The following ITPR1 variants were observed in gnomAD, a reference collection of about 807,000 sequenced individuals.
ITPR1 encodes inositol 1,4,5-trisphosphate-gated calcium channel ITPR1.
A neutral mutation model predicts 318.4 loss-of-function variants in ITPR1; 96 were observed. The observed-to-expected ratio is 0.30, with a 90% CI of 0.26 to 0.36. The LOEUF (loss-of-function observed/expected upper bound fraction) is 0.36. Among genes scored for constraint, ITPR1 ranks in the 10% least tolerant of loss-of-function variants. The pLI is 1.00. For missense variants in ITPR1, 2,440 were observed against 3,460.2 expected (o/e 0.71, Z 7.40); for synonymous variants, 1,312 against 1,289.9 (o/e 1.02, Z -0.37).
At chr3:4,838,125 C>A (rs2051065545) in intron 61 of ITPR1, among the ~76,000 whole-genome samples, 1 of 152,032 alleles carries the variant, frequency 6.6e-6, no homozygotes, top group Admixed American at 6.6e-5. Flanking sequence ...CTAAATTATT[C>A]CAAACTGTGC....
intron 47 of ITPR1, 53 bp from the exon 48 acceptor site, chr3:4,777,211 C>T (rs879144803): frequency 4.6e-5 from 49 of 1,060,508 alleles, no homozygotes; most frequent in Non-Finnish European, 6.0e-5. Context: ...TGGCCTTTGA[C>T]GTCTGATTTA....
intron 18 of ITPR1, among the ~76,000 whole-genome samples, chr3:4,669,220 T>C (rs1009022935): frequency 1.3e-5 from 2 of 152,184 alleles, no homozygotes; most frequent in African/African-American, 4.8e-5. Context: ...CGAGCATCAA[T>C]TAAAGCACAG....
chr3:4,512,957 G>A (rs1482180346), intron 2 of ITPR1, among the ~76,000 whole-genome samples: 2 of 19,390 alleles, frequency 1.0e-4, no homozygotes, highest in Admixed American at 3.9e-4. Flanking sequence ...CAGCAGAGCC[G>A]AGCCCTCGGT....
chr3:4,588,054 A>T (rs2090070625), intron 4 of ITPR1, among the ~76,000 whole-genome samples: 1 of 152,172 alleles, frequency 6.6e-6, no homozygotes, highest in Non-Finnish European at 1.5e-5. Context: ...ATAAAATCAC[A>T]AAGTCCTCAA....
At position 4,702,687 on chromosome 3, in the gene ITPR1, G is replaced by T. The variant is rs914570883; in HGVS notation, c.4537-143G>T. 26 of 845,560 alleles carry T rather than the reference G, an allele frequency of 3.1e-5. No individual in the cohort carries two copies. The Admixed American group carries it at 6.2e-4, about 20-fold the overall frequency. 52.4% of individuals were successfully genotyped at this position (845,560 alleles called of 1,614,324 possible). A position where few individuals can be genotyped will look rare whatever the true frequency, so the allele number is the denominator to read the frequency against. ...TATCCAGGCATCCCCTCTCACCCTT[G>T]CCTCAGGGTCCATTAACAAGGCAGT... On this transcript the variant is annotated intron_variant, in intron 35 of 61. Transcript: ENST00000649015.
chr3:4,733,291 T>A (rs1020929331), intron 43 of ITPR1, 71 bp downstream of exon 43: 1 of 1,557,606 alleles, frequency 6.4e-7, no homozygotes, highest in Non-Finnish European at 8.8e-7. Flanking sequence ...TGTTTCCTCC[T>A]AACAGGTTGA....
At chr3:4,715,686 C>T (rs1239756490) in intron 39 of ITPR1, among the ~76,000 whole-genome samples, 1 of 152,160 alleles carries the variant, frequency 6.6e-6, no homozygotes, top group African/African-American at 2.4e-5. Flanking sequence ...AACCCCGTCT[C>T]TACTAAAAAT....
At chr3:4,806,025 GTGTGAGATGCTCTCGTTGCTCTCA>G in intron 54 of ITPR1, 54 bp from the exon 55 acceptor site, 8 of 1,249,718 alleles carry the variant, frequency 6.4e-6, no homozygotes, top group Non-Finnish European at 8.9e-6. Context: ...AAATACATTT[GTGTGAGATGCTCTCGTTGCTCTCA>G]TGAAGAGTTT....
intron 33 of ITPR1, among the ~76,000 whole-genome samples, chr3:4,694,030 C>T (rs1276407321): frequency 6.6e-6 from 1 of 152,136 alleles, no homozygotes; most frequent in Non-Finnish European, 1.5e-5. Context: ...GGGGATATGA[C>T]CTGAATGAAC....
intron 61 of ITPR1, among the ~76,000 whole-genome samples, chr3:4,841,823 C>G (rs373282830): frequency 3.3e-4 from 51 of 152,310 alleles, no homozygotes; most frequent in African/African-American, 9.9e-4. Context: ...CTCTAAGAAT[C>G]TGAATTGTAT....
intron 4 of ITPR1, among the ~76,000 whole-genome samples, chr3:4,535,468 A>T (rs1575446242): frequency 1.0e-5 from 1 of 96,418 alleles, no homozygotes; most frequent in Non-Finnish European, 1.9e-5. Context: ...TTTGAGACGG[A>T]GTCTTGCTCT....
At chr3:4,761,551 C>T (rs1031445524) in intron 44 of ITPR1, among the ~76,000 whole-genome samples, 1 of 152,210 alleles carries the variant, frequency 6.6e-6, no homozygotes, top group Non-Finnish European at 1.5e-5. Flanking sequence ...TTTCTCTCAC[C>T]ATCACCTGAT....
intron 8 of ITPR1, 144 bp from the exon 9 acceptor site, chr3:4,645,243 G>A: frequency 1.5e-6 from 1 of 668,374 alleles, no homozygotes; most frequent in Non-Finnish European, 2.7e-6. Context: ...TTTTGCAGGT[G>A]CTGTGATTTT....
At chr3:4,733,553 A>T (rs2043076276) in intron 43 of ITPR1, among the ~76,000 whole-genome samples, 1 of 152,186 alleles carries the variant, frequency 6.6e-6, no homozygotes, top group Non-Finnish European at 1.5e-5. Flanking sequence ...TTTCCGTAAA[A>T]TAATGAGGAT....
chr3:4,655,586 T>A (rs2093688169), intron 12 of ITPR1, among the ~76,000 whole-genome samples: 2 of 152,098 alleles, frequency 1.3e-5, no homozygotes, highest in African/African-American at 4.8e-5. Context: ...TGCACAGCAG[T>A]GTATAAAAGG....
At chr3:4,623,834 ATATT>A (rs2092725435) in intron 4 of ITPR1, among the ~76,000 whole-genome samples, 1 of 152,238 alleles carries the variant, frequency 6.6e-6, no homozygotes, top group South Asian at 2.1e-4. Context: ...AGCATCTCTT[ATATT>A]TACACAGACA....
chr3:4,741,437 C>G (rs528553304), intron 44 of ITPR1, among the ~76,000 whole-genome samples: 39 of 152,228 alleles, frequency 2.6e-4, no homozygotes, highest in African/African-American at 9.2e-4. Flanking sequence ...CTTTTCTGCA[C>G]GTAAGCAGCT....
At chr3:4,605,147 A>G (rs978542300) in intron 4 of ITPR1, among the ~76,000 whole-genome samples, 3 of 152,048 alleles carry the variant, frequency 2.0e-5, no homozygotes, top group Non-Finnish European at 4.4e-5. Context: ...AATGTTTTAC[A>G]TTTTTAGTAA....
intron 4 of ITPR1, among the ~76,000 whole-genome samples, chr3:4,606,713 G>T (rs2091731347): frequency 6.6e-6 from 1 of 152,170 alleles, no homozygotes; most frequent in Non-Finnish European, 1.5e-5. Context: ...GCTACCTGTG[G>T]AGATATTTAA....
Sources: allele counts gnomAD v4.1 joint callset (sites outside exome capture counted in the v4.1 genomes callset), GRCh38; gene constraint gnomAD v4.1.1; transcripts MANE v1.5; gene names NCBI Gene and HGNC (gene_info 2026-07-23, HGNC 2026-07-21).